The following TBC1D5 variants were observed in gnomAD, a reference collection of about 807,000 sequenced individuals.
TBC1D5 encodes the protein TBC1 domain family member 5.
A neutral mutation model predicts 100.3 loss-of-function variants in TBC1D5; 75 were observed. The observed-to-expected ratio is 0.75, with a 90% CI of 0.62 to 0.91. The LOEUF (loss-of-function observed/expected upper bound fraction) is 0.91. Ranked by LOEUF, TBC1D5 falls within the 40% of genes least tolerant of loss-of-function variation. The pLI is 0.00. For missense variants in TBC1D5, 910 were observed against 942.4 expected, an observed-to-expected ratio of 0.97 and a Z score of 0.45; for synonymous variants, 323 against 325.6, an observed-to-expected ratio of 0.99 and a Z score of 0.09.
intron 4 of TBC1D5, among the ~76,000 whole-genome samples, chr3:17,414,005 G>A (rs2094002489): frequency 6.6e-6 from 1 of 152,182 alleles, no homozygotes; most frequent in African/African-American, 2.4e-5. Flanking sequence ...GTCACAGACA[G>A]TGGAAGAAAA....
chr3:17,174,483 C>T (rs186635542), intron 19 of TBC1D5, among the ~76,000 whole-genome samples: 19 of 152,312 alleles, frequency 1.2e-4, no homozygotes. Context: ...TTCTCTCCTG[C>T]TCTCTCTCCC....
At chr3:17,458,638 G>C (rs1237896954) in intron 3 of TBC1D5, among the ~76,000 whole-genome samples, 2 of 152,054 alleles carry the variant, frequency 1.3e-5, no homozygotes, top group Non-Finnish European at 2.9e-5. Flanking sequence ...CTCCCTGCAG[G>C]TATTTGTCTC....
chr3:17,623,727 A>G (rs1339302172), intron 2 of TBC1D5, 122 bp downstream of exon 2: 1 of 152,160 alleles, frequency 6.6e-6, no homozygotes, highest in Non-Finnish European at 1.5e-5. Context: ...TTTCTCAATG[A>G]TTTACTGAAA....
At chr3:17,265,951 T>C (rs1276590862) in intron 15 of TBC1D5, among the ~76,000 whole-genome samples, 1 of 151,990 alleles carries the variant, frequency 6.6e-6, no homozygotes, top group Admixed American at 6.6e-5. Context: ...TAGTGGTAAT[T>C]ATCTAAAAAA....
At chr3:17,618,172 T>TG in intron 2 of TBC1D5, among the ~76,000 whole-genome samples, 1 of 152,346 alleles carries the variant, frequency 6.6e-6, no homozygotes, top group South Asian at 2.1e-4. Flanking sequence ...GCAGGTCTGT[T>TG]GGAGTTTGCT....
chr3:17,459,847 C>T (rs2095168994), intron 3 of TBC1D5, among the ~76,000 whole-genome samples: 1 of 151,998 alleles, frequency 6.6e-6, no homozygotes, highest in African/African-American at 2.4e-5. Context: ...CTTAGAAAAA[C>T]ATAGGGTTTT....
chr3:17,356,400 G>C (rs1234810089), intron 13 of TBC1D5, among the ~76,000 whole-genome samples: 1 of 152,124 alleles, frequency 6.6e-6, no homozygotes, highest in Non-Finnish European at 1.5e-5. Flanking sequence ...GGCCTTCTAA[G>C]AAGAATGTTC....
At chr3:17,678,049 T>C (rs1336071817) in intron 1 of TBC1D5, among the ~76,000 whole-genome samples, 1 of 152,022 alleles carries the variant, frequency 6.6e-6, no homozygotes, top group African/African-American at 2.4e-5. Context: ...AAATGACGAG[T>C]TAATGGGTGC....
chr3:17,234,699 T>C (rs2075718903), intron 17 of TBC1D5, among the ~76,000 whole-genome samples: 1 of 152,184 alleles, frequency 6.6e-6, no homozygotes, highest in South Asian at 2.1e-4. Flanking sequence ...ATATTTTCTA[T>C]GCATGATCAT....
At chr3:17,267,449 T>G (rs1357694102) in intron 15 of TBC1D5, among the ~76,000 whole-genome samples, 1 of 152,034 alleles carries the variant, frequency 6.6e-6, no homozygotes, top group Non-Finnish European at 1.5e-5. Flanking sequence ...ATTTGTCTGT[T>G]CCTAAGAGCG....
chr3:17,722,212 C>T (rs1461355048), intron 1 of TBC1D5, among the ~76,000 whole-genome samples: 3 of 152,138 alleles, frequency 2.0e-5, no homozygotes, highest in African/African-American at 7.2e-5. Flanking sequence ...CAATTTCAAC[C>T]TCCTTGCCAG....
At chr3:17,454,750 G>A (rs1052760634) in intron 3 of TBC1D5, among the ~76,000 whole-genome samples, 2 of 152,142 alleles carry the variant, frequency 1.3e-5, no homozygotes, top group Admixed American at 1.3e-4. Flanking sequence ...ATGAGCCACC[G>A]TGGCCCAGTC....
chr3:17,529,798 CATGG>C (rs1193748041), intron 2 of TBC1D5, among the ~76,000 whole-genome samples: 1 of 151,944 alleles, frequency 6.6e-6, no homozygotes, highest in Non-Finnish European at 1.5e-5. Context: ...AGGCGTGTGC[CATGG>C]CATTATTAAT....
chr3:17,262,543 G>A (rs959675854), intron 15 of TBC1D5, among the ~76,000 whole-genome samples: 1 of 147,428 alleles, frequency 6.8e-6, no homozygotes, highest in African/African-American at 2.5e-5. Context: ...GTGCAGTGGC[G>A]CGATCTCGGC....
chr3:17,737,061 T>A (rs1577922803), intron 1 of TBC1D5, among the ~76,000 whole-genome samples: 1 of 152,046 alleles, frequency 6.6e-6, no homozygotes, highest in Non-Finnish European at 1.5e-5. Context: ...TGTGGGAAAC[T>A]CTAAAGGGGT....
intron 2 of TBC1D5, among the ~76,000 whole-genome samples, chr3:17,556,747 C>G (rs1234545092): frequency 1.3e-5 from 2 of 151,996 alleles, no homozygotes; most frequent in African/African-American, 2.4e-5. Flanking sequence ...GAAAACTTTC[C>G]ATAAATGATT....
intron 16 of TBC1D5, among the ~76,000 whole-genome samples, chr3:17,255,990 T>C (rs7646916): frequency 2.0e-5 from 3 of 152,262 alleles, no homozygotes; most frequent in South Asian, 2.1e-4. Flanking sequence ...AAGCCGAGAT[T>C]GCGCCACTGC....
Position 17,258,367 on chromosome 3 carries a change from G to C in TBC1D5, c.1331+139C>G, listed in dbSNP as rs2077933429. 5 of 777,086 alleles carry C rather than the reference G, an allele frequency of 6.4e-6. No individual in the cohort carries two copies. The South Asian group carries it at 8.6e-5, about 13-fold the overall frequency. 48.1% of individuals were successfully genotyped at this position (777,086 alleles called of 1,614,324 possible). A position where few individuals can be genotyped will look rare whatever the true frequency, so the allele number is the denominator to read the frequency against. On this transcript the variant is annotated intron_variant, in intron 16 of 21. Coordinates refer to ENST00000253692, the Ensembl canonical transcript of TBC1D5. ...ATTTTTTATGCCTTTAAAATAACTT[G>C]GGTAATTTATTTAACAAAGATTCCT... is the stretch of plus-strand genomic sequence containing the variant.
intron 3 of TBC1D5, among the ~76,000 whole-genome samples, chr3:17,480,407 C>A (rs2095488499): frequency 6.6e-6 from 1 of 152,194 alleles, no homozygotes; most frequent in Admixed American, 6.5e-5. Context: ...GAAGCCCCTG[C>A]CAGGAGTGAC....
Sources: gnomAD v4.1 joint callset for allele counts (sites outside exome capture counted in the v4.1 genomes callset) on GRCh38, gnomAD v4.1.1 for gene constraint, MANE v1.5 for transcripts, NCBI Gene and HGNC (gene_info 2026-07-23, HGNC 2026-07-21) for gene names.